Variants in TUBD1 observed in about 807,000 individuals in gnomAD.
TUBD1 encodes tubulin delta chain.
TUBD1 carries 38 observed loss-of-function variants against 51.2 expected under a neutral mutation model. The ratio of observed to expected loss-of-function variants is 0.74; its 90% CI spans 0.57 to 0.97. The LOEUF (loss-of-function observed/expected upper bound fraction) is 0.97. Ranked by LOEUF, TUBD1 falls within the 50% of genes least tolerant of loss-of-function variation. TUBD1 has a pLI of 0.00. For missense variants in TUBD1, 489 were observed against 538.4 expected (o/e 0.91, Z 0.91); for synonymous variants, 169 against 178.2 (o/e 0.95, Z 0.41).
In TUBD1 at chr17:59,878,247, T is replaced by A; in HGVS notation, c.625A>T (p.Ile209Phe). The change falls in exon 5 of 9, where the codon ATC becomes TTC. Residue 209 changes from isoleucine to phenylalanine, a missense_variant. Ile to Phe is a conservative substitution (Grantham distance 21). Coordinates refer to ENST00000325752, the MANE Select transcript of TUBD1 (RefSeq NM_016261.4). ...ATCAGTTTTGCACAGATCTTATGGA[T>A]GGCATCATTCTCATGAAGAAGGAGG... is the stretch of plus-strand genomic sequence containing the variant. ...DALLLHENDA[I>F]HKICAKLMNI... 2 of 1,614,094 alleles carry A rather than the reference T, an allele frequency of 1.2e-6. No homozygotes were observed. Among genetic ancestry groups the A allele is most frequent in the Non-Finnish European group, 1.7e-6 (2 of 1,180,014 alleles).
chr17:59,866,049 T>C (rs142982146), intron 7 of TUBD1, among the ~76,000 whole-genome samples: 313 of 145,730 alleles, frequency 2.1e-3, no homozygotes, highest in African/African-American at 7.6e-3. Flanking sequence ...AGGCGGAGGT[T>C]GCACTGAGCC....
intron 8 of TUBD1, 42 bp downstream of exon 8, chr17:59,863,616 CAAAAAA>C: frequency 1.6e-5 from 18 of 1,143,560 alleles, no homozygotes; most frequent in South Asian, 6.7e-5. Context: ...GACTCTGTCT[CAAAAAA>C]AAAAAAAAAA....
chr17:59,885,505 G>A, intron 3 of TUBD1: 1 of 1,582,114 alleles, frequency 6.3e-7, no homozygotes, highest in Non-Finnish European at 8.7e-7. Context: ...CCTGGAACGA[G>A]GCGGTGATCC....
chr17:59,889,582 T>C (rs1243886885), intron 2 of TUBD1, among the ~76,000 whole-genome samples: 1 of 149,336 alleles, frequency 6.7e-6, no homozygotes, highest in Non-Finnish European at 1.5e-5. Flanking sequence ...GGCAGGAGAA[T>C]TGCTTCAACC....
chr17:59,871,280 C>A (rs2039970105), intron 6 of TUBD1, among the ~76,000 whole-genome samples: 1 of 152,100 alleles, frequency 6.6e-6, no homozygotes, highest in African/African-American at 2.4e-5. Context: ...ACTGCAACTT[C>A]CCTCTGCCTC....
In TUBD1 at chr17:59,880,750, A is replaced by C. The variant is rs1447531255; in HGVS notation, c.537+144T>G. ...GGGATGGTCTCGATATCCTGACCTCACGATCCGCCCGCCTTGGCCTCCCAA... is the reference window on the plus strand; with the variant it reads ...GGGATGGTCTCGATATCCTGACCTCCCGATCCGCCCGCCTTGGCCTCCCAA... On this transcript the variant is annotated intron_variant, in intron 4 of 8. Coordinates refer to ENST00000325752, the MANE Select transcript of TUBD1 (RefSeq NM_016261.4). 8 of 704,070 alleles carry C rather than the reference A, an allele frequency of 1.1e-5. No individual in the cohort carries two copies. The Admixed American group carries it at 1.9e-4, about 17-fold the overall frequency. The allele number at this position is 704,070 out of a possible 1,614,324, so 43.6% of individuals were successfully genotyped here.
At chr17:59,868,613 G>A (rs766810489) in intron 6 of TUBD1, among the ~76,000 whole-genome samples, 2 of 152,060 alleles carry the variant, frequency 1.3e-5, no homozygotes, top group African/African-American at 2.4e-5. Flanking sequence ...GCAGAGGGGG[G>A]GGATCACGAG....
chr17:59,876,220 G>A (rs940214508), intron 5 of TUBD1, among the ~76,000 whole-genome samples: 6 of 150,200 alleles, frequency 4.0e-5, no homozygotes, highest in Non-Finnish European at 8.9e-5. Context: ...TTGTTCTGTT[G>A]TCCAAACTGG....
At chr17:59,871,471 T>C (rs948080559) in intron 6 of TUBD1, among the ~76,000 whole-genome samples, 2 of 152,142 alleles carry the variant, frequency 1.3e-5, no homozygotes, top group African/African-American at 4.8e-5. Flanking sequence ...GTGCTGGGAT[T>C]ACAGGTGTGA....
intron 3 of TUBD1, among the ~76,000 whole-genome samples, chr17:59,883,652 T>C (rs147766445): frequency 3.9e-5 from 6 of 152,060 alleles, no homozygotes; most frequent in Non-Finnish European, 8.8e-5. Context: ...GTGATCCACC[T>C]TGGCCTCCCA....
rs143563199 is a variant in TUBD1 at position 59,890,993 on chromosome 17, C to A, written c.10G>T (p.Val4Leu). 1.9e-6 allele frequency: 3 copies of A among 1,609,976 alleles called. No individual in the cohort carries two copies. The highest frequency in any genetic ancestry group is 1.7e-4 in the Middle Eastern group (1 of 6,046). Residue 4 changes from valine (V) to leucine (L), a missense_variant, in exon 2 of 9, where the codon GTA becomes TTA. Physicochemically the swap from Val to Leu is conservative, Grantham distance 32. Transcript: ENST00000325752. ...CCACACTGACCAAGTTGCACTGTTA[C>A]AATTGACATGCTGAGCCACAAACTA... is the stretch of plus-strand genomic sequence containing the variant. MSI[V>L]TVQLGQCGNQ...
At chr17:59,887,882 T>C (rs982063672) in intron 2 of TUBD1, among the ~76,000 whole-genome samples, 10 of 152,044 alleles carry the variant, frequency 6.6e-5, no homozygotes, top group Admixed American at 2.6e-4. Context: ...TCCTCCCACC[T>C]TGGTCTCCCA....
chr17:59,890,787 T>C, intron 2 of TUBD1, 44 bp downstream of exon 2: 1 of 1,482,728 alleles, frequency 6.7e-7, no homozygotes, highest in Non-Finnish European at 9.0e-7. Flanking sequence ...TTTGAAGGGG[T>C]TGGTTAGATC....
At chr17:59,872,712 G>C (rs1049204404) in intron 6 of TUBD1, among the ~76,000 whole-genome samples, 1 of 151,188 alleles carries the variant, frequency 6.6e-6, no homozygotes, top group Admixed American at 6.6e-5. Context: ...GTGTGTGTGT[G>C]TGTGTGTGTG....
Position 59,878,524 on chromosome 17 carries a change from G to A in TUBD1, c.538-190C>T, listed in dbSNP as rs1299549664. Reference sequence around the variant, plus strand: ...TTTTTTTTGAGATAGAGACTCTGTCGCCCAGGCTGGAGTACAGTGGCACCA... The same window carrying A: ...TTTTTTTTGAGATAGAGACTCTGTCACCCAGGCTGGAGTACAGTGGCACCA... On this transcript the variant is annotated intron_variant, in intron 4 of 8. Transcript: ENST00000325752. 5 of 516,074 alleles carry A rather than the reference G, an allele frequency of 9.7e-6. No homozygotes were observed. The Admixed American group carries it at 1.1e-4, about 11-fold the overall frequency. 32.0% of individuals were successfully genotyped at this position (516,074 alleles called of 1,614,324 possible).
In TUBD1 at chr17:59,860,009, AACAT is replaced by A. The variant is rs779745115; in HGVS notation, c.*309_*312del. 19 of 169,650 alleles carry A rather than the reference AACAT, an allele frequency of 1.1e-4. No individual in the cohort carries two copies. Among genetic ancestry groups the A allele is most frequent in the Non-Finnish European group, 1.8e-4 (14 of 79,932 alleles). 10.5% of individuals were successfully genotyped at this position (169,650 alleles called of 1,614,324 possible). ...TACTTTAACAGAATGGAACTTTGAA[AACAT>A]TTTTTTTTTTTTTTTTTTTTGAGAC... On this transcript the variant is annotated 3_prime_UTR_variant, in exon 9 of 9. Coordinates refer to ENST00000325752, the MANE Select transcript of TUBD1 (RefSeq NM_016261.4).
intron 7 of TUBD1, among the ~76,000 whole-genome samples, chr17:59,865,651 C>T (rs1172211027): frequency 6.6e-6 from 1 of 152,182 alleles, no homozygotes; most frequent in African/African-American, 2.4e-5. Context: ...TTCACAGATA[C>T]CACTGGTTGT....
intron 3 of TUBD1, chr17:59,885,392 T>G (rs1388975928): frequency 2.1e-6 from 2 of 935,998 alleles, no homozygotes; most frequent in African/African-American, 1.6e-5. Context: ...TGTATGCAGC[T>G]GTTCGGCTTC....
At chr17:59,869,298 A>T (rs1388060484) in intron 6 of TUBD1, among the ~76,000 whole-genome samples, 1 of 151,394 alleles carries the variant, frequency 6.6e-6, no homozygotes, top group Non-Finnish European at 1.5e-5. Flanking sequence ...ATATGGTGAA[A>T]CCCCGTCTCT....
Sources: gnomAD v4.1 joint callset for allele counts (sites outside exome capture counted in the v4.1 genomes callset) on GRCh38, gnomAD v4.1.1 for gene constraint, MANE v1.5 for transcripts, NCBI Gene and HGNC (gene_info 2026-07-23, HGNC 2026-07-21) for gene names.